SSX3: variants seen among roughly 807,000 people sequenced by gnomAD.
SSX3 encodes the protein SSX family member 3, also known as protein SSX3.
A neutral mutation model predicts 14.8 loss-of-function variants in SSX3; 6 were observed. That is an observed-to-expected ratio of 0.41 (90% CI 0.22 to 0.80). SSX3 has a LOEUF of 0.80. Ranked by LOEUF, SSX3 falls within the 30% of genes least tolerant of loss-of-function variation. The pLI is 0.34. For synonymous variants in SSX3, 55 were observed against 52.9 expected (o/e 1.04, Z -0.18); for missense variants, 163 against 152.2 (o/e 1.07, Z -0.37).
intron 7 of SSX3, among the ~76,000 whole-genome samples, chrX:48,347,267 G>T (rs1556948730): frequency 8.9e-6 from 1 of 112,479 alleles, no homozygotes; most frequent in African/African-American, 3.2e-5. Flanking sequence ...CGCATATCAG[G>T]GCTGACCTGG....
At chrX:48,349,847 A>G in intron 6 of SSX3, 140 bp downstream of exon 6, 1 of 1,148,709 alleles carries the variant, frequency 8.7e-7, no homozygotes. Context: ...GTCATGTCTA[A>G]CATCTCATCT....
rs782675615 is a variant in SSX3 at position 48,354,142 on chromosome X, G to A, written c.185-48C>T. The A allele has an allele frequency of 6.5e-5, 70 of 1,082,302 alleles. No homozygotes were observed. The Middle Eastern group carries it at 1.2e-3, about 19-fold the overall frequency. The allele number at this position is 1,082,302 out of a possible 1,213,427, so 89.2% of individuals were successfully genotyped here. On this transcript the variant is annotated intron_variant, in intron 3 of 7. Transcript: ENST00000298396. ...TTCCTTAAGAGACAAGCTTGGGCCT[G>A]GTACGGTGGCTCATGTCTGTAGTAC...
chrX:48,347,548 C>T lies in SSX3; in HGVS notation c.523G>A (p.Val175Met), dbSNP rs782089326. ...THRLRERKQL[V>M]IYEEISDPEE... The stretch of plus-strand genomic sequence containing the variant: ...GGATCGCTGATCTCTTCATAAATCA[C>T]CAGCTGCTTTCTCTCACGCAGTCTG... The change falls in exon 7 of 8, where the codon GTG (valine) becomes ATG (methionine). Residue 175 changes from valine (V) to methionine (M), a missense_variant. By Grantham distance (21) the Val-to-Met change is conservative (BLOSUM62 1). Coordinates refer to ENST00000298396, the MANE Select transcript of SSX3 (RefSeq NM_021014.4). The T allele has an allele frequency of 5.8e-6, 7 of 1,208,569 alleles. No homozygotes were observed. Among genetic ancestry groups the T allele is most frequent in the Non-Finnish European group, 7.8e-6 (7 of 895,135 alleles).
chrX:48,350,723 T>A (rs1462727665), intron 5 of SSX3, among the ~76,000 whole-genome samples: 4 of 111,080 alleles, frequency 3.6e-5, no homozygotes, highest in Non-Finnish European at 7.5e-5. Context: ...CCAATTCTGG[T>A]TGCATTGGGA....
At chrX:48,353,269 C>T (rs1169577161) in intron 4 of SSX3, among the ~76,000 whole-genome samples, 1 of 110,676 alleles carries the variant, frequency 9.0e-6, no homozygotes, top group Non-Finnish European at 1.9e-5. Flanking sequence ...TGAGTCCAGT[C>T]GGATCTCAAC....
rs782617115 is a variant in SSX3, at chrX:48,355,111, C to A, written c.69+70G>T. 4.2e-6 allele frequency: 5 copies of A among 1,201,311 alleles called. No individual in the cohort carries two copies. In the East Asian group the frequency reaches 1.5e-4, roughly 36 times the overall value. On this transcript the variant is annotated intron_variant, in intron 2 of 7. Transcript: ENST00000298396. ...CTTGTCTCCAGTATCTCTGTCCTCC[C>A]CTCCTCAGAAACCGGGTCACCCCAC...
chrX:48,349,866 G>A (rs782775847), intron 6 of SSX3, 121 bp downstream of exon 6: 7 of 1,159,151 alleles, frequency 6.0e-6, no homozygotes, highest in Non-Finnish European at 8.0e-6. Context: ...CTGGAGCTGG[G>A]CAAGCTCCTC....
chrX:48,352,818 A>C (rs1556950169), intron 4 of SSX3, among the ~76,000 whole-genome samples: 1 of 111,939 alleles, frequency 8.9e-6, no homozygotes, highest in African/African-American at 3.2e-5. Context: ...TGAAATGCAC[A>C]AAGCTCTCTA....
rs185191886 is a variant in SSX3, at chrX:48,349,743, G to A, written c.466+244C>T. On this transcript the variant is annotated intron_variant, in intron 6 of 7. Transcript: ENST00000298396. ...TATGATTCTTTATTTCCATCTTATGGACTAGGAACCTGGAGCTGAGGAAAT... is the reference window on the plus strand; with the variant it reads ...TATGATTCTTTATTTCCATCTTATGAACTAGGAACCTGGAGCTGAGGAAAT... The A allele has an allele frequency of 6.2e-6, 7 of 1,134,489 alleles. No individual in the cohort carries two copies. The African/African-American group carries it at 1.3e-4, about 21-fold the overall frequency. The allele number at this position is 1,134,489 out of a possible 1,213,427, so 93.5% of individuals were successfully genotyped here.
intron 5 of SSX3, 72 bp downstream of exon 5, chrX:48,352,028 C>T (rs1556949975): frequency 8.8e-7 from 1 of 1,133,710 alleles, no homozygotes; most frequent in African/African-American, 1.8e-5. Flanking sequence ...TGATATTCTC[C>T]CACTCTTACC....
intron 6 of SSX3, chrX:48,348,551 A>G: frequency 2.2e-6 from 1 of 449,283 alleles, no homozygotes; most frequent in Non-Finnish European, 4.0e-6. Context: ...TCTAAATCAC[A>G]AGCTAGAAAT....
intron 2 of SSX3, 140 bp downstream of exon 2, chrX:48,355,041 G>A (rs1601988258): frequency 8.3e-7 from 1 of 1,203,424 alleles, no homozygotes; most frequent in Admixed American, 2.2e-5. Context: ...ACAGAGTGAG[G>A]GTGGGAGGCT....
chrX:48,351,808 G>C (rs1481009357), intron 5 of SSX3, among the ~76,000 whole-genome samples: 1 of 112,527 alleles, frequency 8.9e-6, no homozygotes, highest in Non-Finnish European at 1.9e-5. Flanking sequence ...AAACTGAAAT[G>C]TGTTACTCAT....
At chrX:48,347,379 T>G in intron 7 of SSX3, 121 bp downstream of exon 7, 1 of 1,050,723 alleles carries the variant, frequency 9.5e-7, no homozygotes, top group East Asian at 3.0e-5. Context: ...GCCTCAATGC[T>G]GTACACTAGA....
Position 48,352,104 on chromosome X carries a change from G to T in SSX3, c.326C>A (p.Pro109Gln). 5.0e-6 allele frequency: 6 copies of T among 1,209,055 alleles called. No homozygotes were observed. Among genetic ancestry groups the T allele is most frequent in the Non-Finnish European group, 6.7e-6 (6 of 893,330 alleles). The change falls in exon 5 of 8, where the codon CCG (proline) becomes CAG (glutamine). Residue 109 changes from proline (P) to glutamine (Q), a missense_variant. Physicochemically the swap from Pro to Gln is moderately conservative, Grantham distance 76. Transcript: ENST00000298396. ...MTFGRLQGIF[P>Q]KIMPKKPAEE... ...TTAGATCTGAAAGATACTCACCTTC[G>T]GGAAGATTCCCTGGAGCCTGCCGAA...
rs1337554320 is a variant in SSX3, at chrX:48,346,871, G to A, written c.*169C>T. The A allele has an allele frequency of 1.3e-4, 112 of 872,448 alleles. No homozygotes were observed. The African/African-American group carries it at 2.0e-3, about 15-fold the overall frequency. The allele number at this position is 872,448 out of a possible 1,213,427, so 71.9% of individuals were successfully genotyped here. A position where few individuals can be genotyped will look rare whatever the true frequency, so the allele number is the denominator to read the frequency against. On this transcript the variant is annotated 3_prime_UTR_variant, in exon 8 of 8. Coordinates refer to ENST00000298396, the MANE Select transcript of SSX3 (RefSeq NM_021014.4). ...AAAATACAATGGAAACGCTAATATC[G>A]TACTCTTGGCACACTAAGAAAAATG...
chrX:48,348,800 A>G (rs1164708293), intron 6 of SSX3, among the ~76,000 whole-genome samples: 2 of 112,707 alleles, frequency 1.8e-5, no homozygotes, highest in African/African-American at 6.4e-5. Flanking sequence ...AGGATAGAAG[A>G]TGAAACCAGC....
At chrX:48,354,787 T>C (rs1556950700) in intron 2 of SSX3, 41 bp from the exon 3 acceptor site, 1 of 1,199,617 alleles carries the variant, frequency 8.3e-7, no homozygotes, top group African/African-American at 1.8e-5. Flanking sequence ...GGGACTCAGC[T>C]AGGCATGTCT....
chrX:48,348,772 G>C (rs1341411189), intron 6 of SSX3, among the ~76,000 whole-genome samples: 1 of 112,543 alleles, frequency 8.9e-6, no homozygotes, highest in Non-Finnish European at 1.9e-5. Context: ...TGCTCAAATA[G>C]AGAAAGTTTG....
Sources: gnomAD v4.1 joint callset for allele counts (sites outside exome capture counted in the v4.1 genomes callset) on GRCh38, gnomAD v4.1.1 for gene constraint, MANE v1.5 for transcripts, NCBI Gene and HGNC (gene_info 2026-07-23, HGNC 2026-07-21) for gene names.